Variants in LYN observed in about 807,000 individuals in gnomAD.
The protein encoded by LYN is tyrosine-protein kinase Lyn.
LYN carries 12 observed loss-of-function variants against 65.0 expected under a neutral mutation model. That is an observed-to-expected ratio of 0.18 (90% CI 0.12 to 0.30). The LOEUF is 0.30. LYN is among the 10% of genes least tolerant of loss of function. The pLI is 1.00. For synonymous variants in LYN, 222 were observed against 221.2 expected, an observed-to-expected ratio of 1.00 and a Z score of -0.03; for missense variants, 380 against 623.2, an observed-to-expected ratio of 0.61 and a Z score of 4.16.
rs375852644 is a variant in LYN, at chr8:55,996,862, G to T, written c.1051-1484G>T. ...AGAGTGAATCTTGCCGGGCGTGGTG[G>T]CTCATGCCTGTAATTTCAGCACTTT... On this transcript the variant is annotated intron_variant, in intron 10 of 12. Transcript: ENST00000519728. Among the ~76,000 whole-genome samples, 6 of 152,196 alleles carry T rather than the reference G, an allele frequency of 3.9e-5. No individual in the cohort carries two copies. The East Asian group carries it at 7.7e-4, about 20-fold the overall frequency.
chr8:55,991,379 G>A (rs1180188679), intron 10 of LYN, among the ~76,000 whole-genome samples: 1 of 152,172 alleles, frequency 6.6e-6, no homozygotes, highest in Non-Finnish European at 1.5e-5. Context: ...GAAGGCATCT[G>A]TTCAGCTGAC....
At chr8:55,885,355 G>C (rs1044197141) in intron 1 of LYN, among the ~76,000 whole-genome samples, 1 of 152,178 alleles carries the variant, frequency 6.6e-6, no homozygotes, top group Non-Finnish European at 1.5e-5. Context: ...TACAGTCCAT[G>C]CTTCAGGCAA....
chr8:55,942,419 G>GTA (rs201314597), intron 2 of LYN, among the ~76,000 whole-genome samples: 18 of 131,156 alleles, frequency 1.4e-4, no homozygotes, highest in South Asian at 4.7e-4. Context: ...ATATATGTGT[G>GTA]TATATATATA....
chr8:55,901,611 A>G (rs1124745), intron 1 of LYN, among the ~76,000 whole-genome samples: 5,950 of 152,220 alleles, frequency 0.039, 368 homozygotes, highest in African/African-American at 0.13. Context: ...CTGTGGGGTC[A>G]GGTAGGGCCG....
chr8:56,007,714 A>G (rs1429861941), intron 12 of LYN, among the ~76,000 whole-genome samples: 1 of 152,268 alleles, frequency 6.6e-6, no homozygotes, highest in Non-Finnish European at 1.5e-5. Context: ...GGAAATACAT[A>G]GAAACCTACT....
At chr8:55,902,606 A>G (rs1805302339) in intron 1 of LYN, 13 of 330,280 alleles carry the variant, frequency 3.9e-5, no homozygotes, top group South Asian at 3.3e-4. Context: ...TAGCATACAA[A>G]AAAAAAACAA....
chr8:55,943,238 G>T (rs1806677844), intron 2 of LYN, among the ~76,000 whole-genome samples: 1 of 152,126 alleles, frequency 6.6e-6, no homozygotes, highest in South Asian at 2.1e-4. Flanking sequence ...CCCATAGCCT[G>T]CTTTCTATGG....
chr8:55,961,400 T>C (rs1383054999), intron 8 of LYN, among the ~76,000 whole-genome samples: 1 of 152,172 alleles, frequency 6.6e-6, no homozygotes, highest in African/African-American at 2.4e-5. Context: ...TAGAAACCTA[T>C]GATTTGATCC....
In LYN at chr8:55,952,086, G is replaced by A. The variant is rs993632078; in HGVS notation, c.608G>A (p.Cys203Tyr). ...ATCTCTCCACGAATCACTTTTCCCTGTATCAGCGACATGATTAAACATTAC... is the reference window on the plus strand; with the variant it reads ...ATCTCTCCACGAATCACTTTTCCCTATATCAGCGACATGATTAAACATTAC... Reference protein sequence around the residue: ...YYISPRITFPCISDMIKHYQK... With the variant: ...YYISPRITFPYISDMIKHYQK... The change falls in exon 7 of 13, where the codon TGT (cysteine) becomes TAT (tyrosine). Residue 203 changes from cysteine to tyrosine, a missense_variant. Transcript: ENST00000519728. 4 of 1,597,454 alleles carry A rather than the reference G, an allele frequency of 2.5e-6. No homozygotes were observed. In the South Asian group the frequency reaches 3.4e-5, roughly 14 times the overall value.
chr8:55,899,010 A>C (rs953787274), intron 1 of LYN, among the ~76,000 whole-genome samples: 1 of 152,030 alleles, frequency 6.6e-6, no homozygotes, highest in Non-Finnish European at 1.5e-5. Flanking sequence ...ATTTTTTGTA[A>C]GGATGAGGTC....
intron 1 of LYN, among the ~76,000 whole-genome samples, chr8:55,889,770 G>A (rs1481290574): frequency 6.6e-6 from 1 of 152,060 alleles, no homozygotes; most frequent in Non-Finnish European, 1.5e-5. Context: ...TAGAGCACAG[G>A]GTGTCGAATT....
At chr8:55,911,472 T>C (rs1172145987) in intron 1 of LYN, among the ~76,000 whole-genome samples, 5 of 150,810 alleles carry the variant, frequency 3.3e-5, no homozygotes, top group Non-Finnish European at 1.5e-5. Context: ...AATGAAATAC[T>C]CAAGGAATTG....
At chr8:55,909,963 A>G (rs1290095112) in intron 1 of LYN, among the ~76,000 whole-genome samples, 1 of 140,992 alleles carries the variant, frequency 7.1e-6, no homozygotes. Context: ...CCACTTTTTA[A>G]TGGGGTTGTT....
intron 10 of LYN, among the ~76,000 whole-genome samples, chr8:55,995,009 C>T (rs1808338250): frequency 6.6e-6 from 1 of 152,344 alleles, no homozygotes; most frequent in Middle Eastern, 3.4e-3. Flanking sequence ...CCCAGTTTTA[C>T]TGGCTTTTTC....
chr8:55,939,625 G>A (rs775130607), intron 1 of LYN, among the ~76,000 whole-genome samples: 10 of 152,190 alleles, frequency 6.6e-5, no homozygotes, highest in Non-Finnish European at 1.3e-4. Context: ...CGAGCGGCCC[G>A]GTGCGCTGTG....
At chr8:55,979,959 G>A (rs1807873106) in intron 10 of LYN, among the ~76,000 whole-genome samples, 1 of 152,178 alleles carries the variant, frequency 6.6e-6, no homozygotes, top group African/African-American at 2.4e-5. Context: ...CCTGTTCCTT[G>A]GAGATGAGGC....
Position 56,011,281 on chromosome 8 carries a change from T to C in LYN, c.*1171T>C, listed in dbSNP as rs1808809845. On this transcript the variant is annotated 3_prime_UTR_variant, in exon 13 of 13. Transcript: ENST00000519728. ...AAATTTTTCTCCTGTAAGCTTTGAA[T>C]GGAAACTTCTGTATCACATGATGTG... 4 of 225,678 alleles carry C rather than the reference T, an allele frequency of 1.8e-5. No homozygotes were observed. Among genetic ancestry groups the C allele is most frequent in the Non-Finnish European group, 3.5e-5 (4 of 113,438 alleles). 14.0% of individuals were successfully genotyped at this position (225,678 alleles called of 1,614,324 possible). A position where few individuals can be genotyped will look rare whatever the true frequency, so the allele number is the denominator to read the frequency against.
At chr8:55,908,222 CATTTATTT>C (rs60930363) in intron 1 of LYN, among the ~76,000 whole-genome samples, 17,924 of 142,928 alleles carry the variant, frequency 0.13, 1,443 homozygotes, top group Middle Eastern at 0.28. Flanking sequence ...CTGTTTAAAC[CATTTATTT>C]ATTTATTTAT....
At chr8:55,993,596 G>T (rs1808302652) in intron 10 of LYN, among the ~76,000 whole-genome samples, 2 of 152,274 alleles carry the variant, frequency 1.3e-5, no homozygotes, top group South Asian at 4.1e-4. Context: ...ATTTCTCAAA[G>T]CCTCATTTGC....
Sources: allele counts gnomAD v4.1 joint callset (sites outside exome capture counted in the v4.1 genomes callset), GRCh38; gene constraint gnomAD v4.1.1; transcripts MANE v1.5; gene names NCBI Gene and HGNC (gene_info 2026-07-23, HGNC 2026-07-21).